PDILT: variants seen among roughly 807,000 people sequenced by gnomAD.
PDILT encodes the protein protein disulfide isomerase like, testis expressed, also known as protein disulfide-isomerase-like protein of the testis.
PDILT carries 43 observed loss-of-function variants against 53.7 expected under a neutral mutation model. That is an observed-to-expected ratio of 0.80 (90% CI 0.63 to 1.03). The LOEUF (loss-of-function observed/expected upper bound fraction) is 1.03, where lower values mean the gene tolerates loss of function less well. PDILT is among the 50% of genes least tolerant of loss of function. The pLI, the probability that PDILT is intolerant of heterozygous loss-of-function variation, is 0.00. For missense variants in PDILT, 727 were observed against 712.3 expected, an observed-to-expected ratio of 1.02 and a Z score of -0.24; for synonymous variants, 282 against 274.2, an observed-to-expected ratio of 1.03 and a Z score of -0.28.
rs769626085 is a variant in PDILT at position 20,359,504 on chromosome 16, G to C, written c.1570C>G (p.Pro524Ala). ...TCAGGTAACCCTTTCCTCATCATAG[G>C]CACCTCCTTTTCCTCAGCTAGCACT... ...EEVLAEEKEV[P>A]MMRKGLPEQQ... is the part of the protein sequence containing the mutation. Residue 524 changes from proline to alanine, a missense_variant, in exon 12 of 12, where the codon CCT becomes GCT. By Grantham distance (27) the Pro-to-Ala change is conservative. Transcript: ENST00000302451. 1.9e-6 allele frequency: 3 copies of C among 1,613,832 alleles called. No individual in the cohort carries two copies. Among genetic ancestry groups the C allele is most frequent in the Non-Finnish European group, 2.5e-6 (3 of 1,179,926 alleles).
chr16:20,370,412 G>A (rs1378412023), intron 7 of PDILT, among the ~76,000 whole-genome samples: 1 of 152,196 alleles, frequency 6.6e-6, no homozygotes, highest in East Asian at 1.9e-4. Flanking sequence ...TCAGGATTAG[G>A]TAGGGTGGTC....
At position 20,373,106 on chromosome 16, in the gene PDILT, C is replaced by T. The variant is rs141043720; in HGVS notation, c.698G>A (p.Arg233His). The change falls in exon 6 of 12, where the codon CGC becomes CAC. Residue 233 changes from arginine to histidine, a missense_variant. By Grantham distance (29) the Arg-to-His change is conservative (BLOSUM62 0). Coordinates refer to ENST00000302451, the MANE Select transcript of PDILT (RefSeq NM_174924.2). ...LVFKKGKIVNRQKLINDSTNK... is the reference protein window; with the variant it reads ...LVFKKGKIVNHQKLINDSTNK... ...GGTACTGTCATTAATAAGCTTTTGG[C>T]GGTTCACAATTTTTCCCTTGTACAA... 62 of 1,613,820 alleles carry T rather than the reference C, an allele frequency of 3.8e-5. No homozygotes were observed. The highest frequency in any genetic ancestry group is 1.3e-4 in the East Asian group (6 of 44,898).
chr16:20,372,811 G>A lies in PDILT; in HGVS notation c.909C>T (p.Phe303=), dbSNP rs375184010. Residue 303 remains phenylalanine (F), a synonymous_variant, in exon 7 of 12, where the codon TTC becomes TTT. Coordinates refer to ENST00000302451, the MANE Select transcript of PDILT (RefSeq NM_174924.2). ...GGTGCACTCTACAAACCTTGTTTTG[G>A]AATTCCTTTGATGCCAGCTTATAAT... is the stretch of plus-strand genomic sequence containing the variant. The part of the protein sequence containing the change: ...IQHYKLASKE[F]QNKILFILVD... The A allele has an allele frequency of 1.2e-6, 2 of 1,613,848 alleles. No individual in the cohort carries two copies. The highest frequency in any genetic ancestry group is 2.7e-5 in the African/African-American group (2 of 74,878).
intron 1 of PDILT, among the ~76,000 whole-genome samples, 176 bp from the exon 2 acceptor site, chr16:20,399,483 C>T (rs566421977): frequency 6.6e-6 from 1 of 152,258 alleles, no homozygotes; most frequent in Admixed American, 6.5e-5. Context: ...AGTATTAGGT[C>T]GACCTCAGGC....
chr16:20,394,938 G>C lies in PDILT; in HGVS notation c.202+4161C>G, dbSNP rs146468920. Among the ~76,000 whole-genome samples the C allele has an allele frequency of 3.3e-5, 5 of 152,278 alleles. No homozygotes were observed. The East Asian group carries it at 9.6e-4, about 29-fold the overall frequency. On this transcript the variant is annotated intron_variant, in intron 2 of 11. Coordinates refer to ENST00000302451, the MANE Select transcript of PDILT (RefSeq NM_174924.2). ...TATGGACCCTTATGAACCTAGATTT[G>C]GTGATTGTTATAGCAGTTAGCTTTC...
rs552207957 is a variant in PDILT, at chr16:20,368,394, A to T, written c.1116+1098T>A. Among the ~76,000 whole-genome samples the T allele has an allele frequency of 1.8e-4, 27 of 152,138 alleles. No homozygotes were observed. The South Asian group carries it at 4.2e-3, about 23-fold the overall frequency. The stretch of plus-strand genomic sequence containing the variant: ...GGTTTCTGAAGATGAAAGAAGGAAA[A>T]TGGGTTGGAATTGGAAAGAAGGACA... On this transcript the variant is annotated intron_variant, in intron 8 of 11. Coordinates refer to ENST00000302451, the MANE Select transcript of PDILT (RefSeq NM_174924.2).
At chr16:20,396,152 A>G (rs1290127355) in intron 2 of PDILT, among the ~76,000 whole-genome samples, 2 of 152,236 alleles carry the variant, frequency 1.3e-5, no homozygotes, top group African/African-American at 4.8e-5. Flanking sequence ...ATGTCAGGTG[A>G]TAACCTCTCA....
chr16:20,376,260 A>T (rs1042084767), intron 3 of PDILT, 59 bp from the exon 4 acceptor site: 43 of 1,595,514 alleles, frequency 2.7e-5, no homozygotes, highest in Non-Finnish European at 5.1e-6. Flanking sequence ...CCAAAGCAAG[A>T]AGCTGGTCTT....
In PDILT at chr16:20,359,359, G is replaced by C. The variant is rs914835865; in HGVS notation, c.1715C>G (p.Pro572Arg). Residue 572 changes from proline (P) to arginine (R), a missense_variant, in exon 12 of 12, where the codon CCA becomes CGA. Coordinates refer to ENST00000302451, the MANE Select transcript of PDILT (RefSeq NM_174924.2). Reference protein sequence around the residue: ...VVVVAKPKGPPVQKKKPKVKE... With the variant: ...VVVVAKPKGPRVQKKKPKVKE... The stretch of plus-strand genomic sequence containing the variant: ...GACTTTTGGTTTCTTCTTTTGCACT[G>C]GAGGTCCCTTTGGCTTAGCCACCAC... 7 of 1,614,160 alleles carry C rather than the reference G, an allele frequency of 4.3e-6. No homozygotes were observed. The highest frequency in any genetic ancestry group is 1.3e-5 in the African/African-American group (1 of 75,038).
intron 10 of PDILT, among the ~76,000 whole-genome samples, chr16:20,361,783 G>C (rs1470283465): frequency 6.6e-6 from 1 of 152,096 alleles, no homozygotes; most frequent in Admixed American, 6.5e-5. Context: ...GCAGAGTCCT[G>C]GGTCTGCATG....
At chr16:20,367,835 C>T (rs945842445) in intron 8 of PDILT, among the ~76,000 whole-genome samples, 2 of 152,102 alleles carry the variant, frequency 1.3e-5, no homozygotes, top group African/African-American at 4.8e-5. Context: ...GCCTGGTTTG[C>T]AATGCCATGA....
intron 9 of PDILT, among the ~76,000 whole-genome samples, chr16:20,363,623 G>A (rs1966144360): frequency 6.6e-6 from 1 of 152,054 alleles, no homozygotes. Context: ...TTTAAAGACA[G>A]GCTGCTTTGA....
chr16:20,398,477 A>G (rs922765977), intron 2 of PDILT, among the ~76,000 whole-genome samples: 1 of 152,054 alleles, frequency 6.6e-6, no homozygotes, highest in Admixed American at 6.5e-5. Context: ...CAAAAATTAC[A>G]AAAGTTAGCT....
chr16:20,396,826 C>T (rs943190411), intron 2 of PDILT, among the ~76,000 whole-genome samples: 2 of 152,160 alleles, frequency 1.3e-5, no homozygotes, highest in Non-Finnish European at 1.5e-5. Flanking sequence ...CTCATAGAGC[C>T]CACCCATTGC....
rs1427653307 is a variant in PDILT at position 20,393,273 on chromosome 16, C to T, written c.202+5826G>A. On this transcript the variant is annotated intron_variant, in intron 2 of 11. Coordinates refer to ENST00000302451, the MANE Select transcript of PDILT (RefSeq NM_174924.2). ...CTTTCAGCAAAGTGGAAATGCCTGC[C>T]GTGCTCACAGGCTCATGTAAAGAAA... Among the ~76,000 whole-genome samples the T allele has an allele frequency of 3.3e-5, 5 of 152,240 alleles. 1 individual carries two copies. The Middle Eastern group carries it at 0.014, about 414-fold the overall frequency.
rs757433829 is a variant in PDILT at position 20,399,145 on chromosome 16, G to C, written c.156C>G (p.Gly52=). The C allele has an allele frequency of 1.2e-6, 2 of 1,614,182 alleles. No homozygotes were observed. Among genetic ancestry groups the C allele is most frequent in the South Asian group, 1.1e-5 (1 of 91,080 alleles). Residue 52 remains glycine (G), a synonymous_variant, in exon 2 of 12, where the codon GGC becomes GGG. Coordinates refer to ENST00000302451, the MANE Select transcript of PDILT (RefSeq NM_174924.2). ...GGGTCTGGTTCAGCATCTGGGTCAG[G>C]CCAGCGGGCGTTAGCACTAGGAGAC... The part of the protein sequence containing the change: ...ERSLLVLTPA[G]LTQMLNQTRF...
chr16:20,372,511 A>C (rs1396926680), intron 7 of PDILT, among the ~76,000 whole-genome samples: 1 of 152,236 alleles, frequency 6.6e-6, no homozygotes, highest in African/African-American at 2.4e-5. Flanking sequence ...CCATCAAAAA[A>C]GCAGGCAAGC....
At chr16:20,378,656 T>C (rs1248107296) in intron 3 of PDILT, among the ~76,000 whole-genome samples, 1 of 152,154 alleles carries the variant, frequency 6.6e-6, no homozygotes, top group Non-Finnish European at 1.5e-5. Context: ...TTCCCCTCCC[T>C]GTGTCCATGT....
At chr16:20,360,072 T>G (rs1400362166) in intron 11 of PDILT, among the ~76,000 whole-genome samples, 1 of 152,216 alleles carries the variant, frequency 6.6e-6, no homozygotes, top group East Asian at 1.9e-4. Context: ...GGGTTCCGGA[T>G]CCACCCACAC....
Sources: gnomAD v4.1 joint callset for allele counts (sites outside exome capture counted in the v4.1 genomes callset) on GRCh38, gnomAD v4.1.1 for gene constraint, MANE v1.5 for transcripts, NCBI Gene and HGNC (gene_info 2026-07-23, HGNC 2026-07-21) for gene names.